The following GABRA3 variants were observed in gnomAD, a reference collection of about 807,000 sequenced individuals.
The protein encoded by GABRA3 is gamma-aminobutyric acid type A receptor subunit alpha3, also known as gamma-aminobutyric acid receptor subunit alpha-3.
GABRA3 carries 10 observed loss-of-function variants against 30.1 expected under a neutral mutation model. That is an observed-to-expected ratio of 0.33 (90% CI 0.20 to 0.56). The LOEUF (loss-of-function observed/expected upper bound fraction) is 0.56, where lower values mean the gene tolerates loss of function less well. GABRA3 is among the 20% of genes least tolerant of loss of function. GABRA3 has a pLI of 0.89. For synonymous variants in GABRA3, 151 were observed against 146.8 expected, an observed-to-expected ratio of 1.03 and a Z score of -0.21; for missense variants, 233 against 392.0, an observed-to-expected ratio of 0.59 and a Z score of 3.42.
intron 5 of GABRA3, among the ~76,000 whole-genome samples, chrX:152,227,863 A>G (rs1469283345): frequency 1.8e-5 from 2 of 111,481 alleles, no homozygotes; most frequent in Admixed American, 1.9e-4. Flanking sequence ...TTTCTACACT[A>G]GCAATTTTCC....
intron 3 of GABRA3, among the ~76,000 whole-genome samples, chrX:152,285,109 T>C (rs1269547122): frequency 9.0e-6 from 1 of 111,684 alleles, no homozygotes; most frequent in Non-Finnish European, 1.9e-5. Context: ...GTTCTTCCAC[T>C]CCCCTGCCTT....
chrX:152,207,341 G>T (rs969160095), intron 7 of GABRA3, among the ~76,000 whole-genome samples: 1 of 111,896 alleles, frequency 8.9e-6, no homozygotes, highest in Admixed American at 9.5e-5. Context: ...AACATTCTAA[G>T]GTTAGTTGAG....
At chrX:152,302,252 C>A (rs551352071) in intron 3 of GABRA3, among the ~76,000 whole-genome samples, 23 of 108,182 alleles carry the variant, frequency 2.1e-4, no homozygotes, top group African/African-American at 7.4e-4. Flanking sequence ...GTAGAGATTG[C>A]CAGATTGAAA....
At chrX:152,228,590 C>A in intron 5 of GABRA3, among the ~76,000 whole-genome samples, 1 of 111,710 alleles carries the variant, frequency 9.0e-6, no homozygotes, top group African/African-American at 3.2e-5. Flanking sequence ...CTTTATTAAA[C>A]TCTCATGGAA....
rs762440995 is a variant in GABRA3 at position 152,166,561 on chromosome X, C to T, written c.*1667G>A. 1.5e-4 allele frequency: 17 copies of T among 110,785 alleles called. No homozygotes were observed. Among genetic ancestry groups the T allele is most frequent in the African/African-American group, 4.6e-4 (14 of 30,364 alleles). 9.1% of individuals were successfully genotyped at this position (110,785 alleles called of 1,213,427 possible). On this transcript the variant is annotated 3_prime_UTR_variant, in exon 10 of 10. Coordinates refer to ENST00000370314, the MANE Select transcript of GABRA3 (RefSeq NM_000808.4). ...ACACCCCTTAGGAGCTTTGTTCAGC[C>T]GGTGGGCAGGGAGAATCTGCTTGTG...
At chrX:152,298,259 T>C (rs2124450893) in intron 3 of GABRA3, among the ~76,000 whole-genome samples, 1 of 111,393 alleles carries the variant, frequency 9.0e-6, no homozygotes, top group Non-Finnish European at 1.9e-5. Flanking sequence ...ATTTTTAGGG[T>C]ACATGTGCAC....
At chrX:152,235,691 G>A (rs188341114) in intron 5 of GABRA3, among the ~76,000 whole-genome samples, 65 of 111,085 alleles carry the variant, frequency 5.9e-4, no homozygotes, top group African/African-American at 2.0e-3. Flanking sequence ...TACACTAAAC[G>A]TTGATGAAAG....
intron 4 of GABRA3, among the ~76,000 whole-genome samples, chrX:152,256,955 G>A (rs1289987596): frequency 2.7e-5 from 3 of 111,581 alleles, no homozygotes; most frequent in Non-Finnish European, 5.6e-5. Context: ...TGGACCATTA[G>A]GGATGGAAGA....
At chrX:152,358,852 G>A (rs1213060841) in intron 2 of GABRA3, among the ~76,000 whole-genome samples, 1 of 111,608 alleles carries the variant, frequency 9.0e-6, no homozygotes, top group East Asian at 2.8e-4. Flanking sequence ...CTACTTATGT[G>A]GTGAATCACA....
intron 5 of GABRA3, among the ~76,000 whole-genome samples, chrX:152,227,312 C>T (rs1416053451): frequency 3.2e-5 from 3 of 92,765 alleles, no homozygotes; most frequent in Non-Finnish European, 6.2e-5. Flanking sequence ...TGTTCTCACT[C>T]ATAGGTGGGA....
At chrX:152,291,797 T>G (rs1015958135) in intron 3 of GABRA3, among the ~76,000 whole-genome samples, 2 of 111,943 alleles carry the variant, frequency 1.8e-5, no homozygotes, top group African/African-American at 6.5e-5. Context: ...TGGTTCTGTT[T>G]ATGTGATGGA....
intron 4 of GABRA3, among the ~76,000 whole-genome samples, chrX:152,272,780 C>G (rs890261917): frequency 9.0e-6 from 1 of 111,079 alleles, no homozygotes; most frequent in Non-Finnish European, 1.9e-5. Context: ...TATCCTCATG[C>G]TGTTCTCATG....
chrX:152,331,165 A>C, intron 3 of GABRA3, among the ~76,000 whole-genome samples: 1 of 100,909 alleles, frequency 9.9e-6, no homozygotes, highest in East Asian at 3.2e-4. Flanking sequence ...CTCATCACAT[A>C]AAAACAGACT....
At chrX:152,414,413 A>T (rs1297541735) in intron 1 of GABRA3, among the ~76,000 whole-genome samples, 2 of 111,444 alleles carry the variant, frequency 1.8e-5, no homozygotes, top group Non-Finnish European at 3.8e-5. Context: ...TATACATATG[A>T]TAAACAAGCA....
intron 6 of GABRA3, among the ~76,000 whole-genome samples, chrX:152,211,791 A>G (rs981234314): frequency 1.8e-5 from 2 of 111,726 alleles, no homozygotes; most frequent in Non-Finnish European, 3.8e-5. Context: ...GCTCCTGCTC[A>G]GAGTGGGGTG....
At chrX:152,308,829 A>G (rs2124458523) in intron 3 of GABRA3, among the ~76,000 whole-genome samples, 1 of 112,486 alleles carries the variant, frequency 8.9e-6, no homozygotes, top group South Asian at 3.6e-4. Flanking sequence ...CATAGAATTC[A>G]GCATGCAGGT....
chrX:152,231,251 A>G (rs911558786), intron 5 of GABRA3, among the ~76,000 whole-genome samples: 2 of 106,443 alleles, frequency 1.9e-5, no homozygotes, highest in Admixed American at 1.0e-4. Flanking sequence ...GTATACATAC[A>G]CGTATATGTA....
At chrX:152,391,294 C>A (rs1929476138) in intron 1 of GABRA3, among the ~76,000 whole-genome samples, 1 of 111,785 alleles carries the variant, frequency 8.9e-6, no homozygotes, top group African/African-American at 3.2e-5. Flanking sequence ...TATAGTACAA[C>A]CCCATACACA....
chrX:152,404,138 T>C (rs1024300160), intron 1 of GABRA3, among the ~76,000 whole-genome samples: 1 of 111,606 alleles, frequency 9.0e-6, no homozygotes, highest in South Asian at 3.8e-4. Context: ...AAGAAAGATA[T>C]GATCCTCTCT....
Sources: gnomAD v4.1 joint callset for allele counts (sites outside exome capture counted in the v4.1 genomes callset) on GRCh38, gnomAD v4.1.1 for gene constraint, MANE v1.5 for transcripts, NCBI Gene and HGNC (gene_info 2026-07-23, HGNC 2026-07-21) for gene names.